B4GALT5: variants seen among roughly 807,000 people sequenced by gnomAD.
The protein encoded by B4GALT5 is beta-1,4-galactosyltransferase 5.
A neutral mutation model predicts 45.0 loss-of-function variants in B4GALT5; 11 were observed. That is an observed-to-expected ratio of 0.24 (90% CI 0.15 to 0.40). The LOEUF (loss-of-function observed/expected upper bound fraction) is 0.40. B4GALT5 is among the 10% of genes least tolerant of loss of function. The probability of loss-of-function intolerance (pLI) is 1.00; values close to 1 mark genes in which losing one functional copy is unlikely to be tolerated. For synonymous variants in B4GALT5, 185 were observed against 182.9 expected, an observed-to-expected ratio of 1.01 and a Z score of -0.09; for missense variants, 337 against 500.2, an observed-to-expected ratio of 0.67 and a Z score of 3.11.
At chr20:49,701,046 A>G (rs2085859396) in intron 1 of B4GALT5, among the ~76,000 whole-genome samples, 1 of 152,248 alleles carries the variant, frequency 6.6e-6, no homozygotes, top group African/African-American at 2.4e-5. Flanking sequence ...CTAAAAATTT[A>G]CTAAAGTGAA....
intron 2 of B4GALT5, among the ~76,000 whole-genome samples, chr20:49,655,707 T>A (rs995624509): frequency 6.6e-6 from 1 of 151,866 alleles, no homozygotes; most frequent in Non-Finnish European, 1.5e-5. Flanking sequence ...GGCAGGCAGA[T>A]CACTTGAGGT....
chr20:49,664,716 G>T (rs2085681614), intron 1 of B4GALT5, among the ~76,000 whole-genome samples: 1 of 152,200 alleles, frequency 6.6e-6, no homozygotes, highest in South Asian at 2.1e-4. Context: ...ATAGTGCTGT[G>T]ATTATGCATA....
intron 1 of B4GALT5, among the ~76,000 whole-genome samples, chr20:49,712,694 A>G (rs2085919649): frequency 6.6e-6 from 1 of 151,912 alleles, no homozygotes; most frequent in Non-Finnish European, 1.5e-5. Flanking sequence ...ATCTACCCTC[A>G]AGGCTAGGAG....
intron 1 of B4GALT5, among the ~76,000 whole-genome samples, chr20:49,712,788 G>T (rs1298033457): frequency 6.6e-6 from 1 of 150,984 alleles, no homozygotes; most frequent in Non-Finnish European, 1.5e-5. Flanking sequence ...GAAAGTCTGG[G>T]GGGCTGGGGG....
intron 5 of B4GALT5, among the ~76,000 whole-genome samples, chr20:49,642,198 C>G (rs2085580031): frequency 6.6e-6 from 1 of 152,140 alleles, no homozygotes; most frequent in Non-Finnish European, 1.5e-5. Flanking sequence ...GGGTCTGGAG[C>G]CTGCAGGCAC....
intron 1 of B4GALT5, among the ~76,000 whole-genome samples, chr20:49,667,294 G>C (rs577842256): frequency 6.7e-6 from 1 of 150,326 alleles, no homozygotes; most frequent in Non-Finnish European, 1.5e-5. Flanking sequence ...CTGTCACCCA[G>C]GCTGGAGTGC....
At chr20:49,675,167 T>A (rs1254532813) in intron 1 of B4GALT5, among the ~76,000 whole-genome samples, 2 of 152,184 alleles carry the variant, frequency 1.3e-5, no homozygotes, top group Admixed American at 1.3e-4. Context: ...GCTTGTTCCG[T>A]GTGTTCAGTA....
intron 1 of B4GALT5, among the ~76,000 whole-genome samples, chr20:49,679,822 T>C (rs2085756985): frequency 6.6e-6 from 1 of 152,206 alleles, no homozygotes; most frequent in African/African-American, 2.4e-5. Context: ...AGGCAAAGAA[T>C]GAATAGGTTA....
chr20:49,650,251 T>C (rs989282656), intron 2 of B4GALT5, among the ~76,000 whole-genome samples: 2 of 152,116 alleles, frequency 1.3e-5, no homozygotes, highest in African/African-American at 4.8e-5. Context: ...AATCCTCAAA[T>C]ACGCAACAAC....
chr20:49,713,068 A>C (rs1435112805), intron 1 of B4GALT5, among the ~76,000 whole-genome samples: 1 of 141,770 alleles, frequency 7.1e-6, no homozygotes, highest in Non-Finnish European at 1.5e-5. Flanking sequence ...CGATGGAGTC[A>C]TGGGGAGTGG....
intron 1 of B4GALT5, among the ~76,000 whole-genome samples, chr20:49,695,733 G>A: frequency 6.6e-6 from 1 of 150,618 alleles, no homozygotes; most frequent in East Asian, 2.0e-4. Context: ...CTTATGCCAT[G>A]TTATAGCAGA....
intron 1 of B4GALT5, among the ~76,000 whole-genome samples, chr20:49,675,366 G>A (rs540922127): frequency 2.3e-4 from 35 of 152,160 alleles, no homozygotes; most frequent in Non-Finnish European, 4.4e-4. Context: ...ATTAAATTAT[G>A]GTGTCCTGTA....
chr20:49,639,779 A>G lies in B4GALT5; in HGVS notation c.816T>C (p.Phe272=). 1.2e-6 allele frequency: 2 copies of G among 1,613,446 alleles called. No individual in the cohort carries two copies. Among genetic ancestry groups the G allele is most frequent in the Admixed American group, 1.7e-5 (1 of 59,998 alleles). ...YMYLLPYTEF[F]GGVSGLTVEQ... ...CCACTGTTAAGCCACTCACTCCGCCAAAGAACTCGGTATAAGGAAGCCTAG... is the reference window on the plus strand; with the variant it reads ...CCACTGTTAAGCCACTCACTCCGCCGAAGAACTCGGTATAAGGAAGCCTAG... Residue 272 remains phenylalanine (F), a synonymous_variant, in exon 7 of 9, where the codon TTT becomes TTC. Transcript: ENST00000371711.
intron 1 of B4GALT5, among the ~76,000 whole-genome samples, chr20:49,668,859 G>A (rs1335243795): frequency 4.0e-5 from 6 of 151,700 alleles, no homozygotes; most frequent in Admixed American, 6.6e-5. Context: ...TGTGACACCC[G>A]CTCATACTAA....
intron 1 of B4GALT5, among the ~76,000 whole-genome samples, chr20:49,712,838 G>T (rs746565298): frequency 1.3e-4 from 2 of 15,322 alleles, no homozygotes; most frequent in Non-Finnish European, 2.9e-4. Context: ...TACGCGAGGT[G>T]GGGGGGGGGG....
intron 2 of B4GALT5, among the ~76,000 whole-genome samples, chr20:49,652,291 G>A (rs923415886): frequency 4.0e-5 from 6 of 149,988 alleles, no homozygotes; most frequent in African/African-American, 1.2e-4. Context: ...AGAAGGAATC[G>A]AAAGTGCTGA....
chr20:49,638,597 G>A (rs2085563607), intron 7 of B4GALT5, among the ~76,000 whole-genome samples: 1 of 152,114 alleles, frequency 6.6e-6, no homozygotes, highest in African/African-American at 2.4e-5. Flanking sequence ...TGGTTCCAAT[G>A]AAATGGGCAT....
At chr20:49,712,851 A>T (rs1256498186) in intron 1 of B4GALT5, among the ~76,000 whole-genome samples, 3 of 51,018 alleles carry the variant, frequency 5.9e-5, no homozygotes, top group Non-Finnish European at 8.4e-5. Context: ...GGGGGGGGAG[A>T]TGGGGAAGAG....
chr20:49,666,287 C>CA (rs2085690360), intron 1 of B4GALT5, among the ~76,000 whole-genome samples: 1 of 152,146 alleles, frequency 6.6e-6, no homozygotes, highest in South Asian at 2.1e-4. Flanking sequence ...ATCTCCATGG[C>CA]ATGTAGAGTG....
Sources: gnomAD v4.1 joint callset for allele counts (sites outside exome capture counted in the v4.1 genomes callset) on GRCh38, gnomAD v4.1.1 for gene constraint, MANE v1.5 for transcripts, NCBI Gene and HGNC (gene_info 2026-07-23, HGNC 2026-07-21) for gene names.